Variants in MAF observed in about 807,000 individuals in gnomAD.
MAF encodes the protein MAF bZIP transcription factor, also known as transcription factor Maf.
MAF carries 10 observed loss-of-function variants against 22.0 expected under a neutral mutation model. The observed-to-expected ratio is 0.45, with a 90% CI of 0.28 to 0.77. MAF has a LOEUF of 0.77. Among genes scored for constraint, MAF ranks in the 30% least tolerant of loss-of-function variants. The pLI is 0.12. For synonymous variants in MAF, 337 were observed against 255.8 expected (o/e 1.32, Z -3.03); for missense variants, 544 against 548.4 (o/e 0.99, Z 0.08).
At chr16:79,569,150 CAG>C in the MAF span, among the ~76,000 whole-genome samples, 1 of 152,190 alleles carries the variant, frequency 6.6e-6, no homozygotes, top group African/African-American at 2.4e-5. Flanking sequence ...GAGTTTAAAC[CAG>C]AGTTTCTCAG....
the MAF span, among the ~76,000 whole-genome samples, chr16:79,425,201 C>T: frequency 2.2e-4 from 34 of 152,206 alleles, no homozygotes; most frequent in South Asian, 6.0e-3. Flanking sequence ...ATGATCTCTT[C>T]TCATGGTACA....
the MAF span, among the ~76,000 whole-genome samples, chr16:79,350,023 G>T: frequency 6.6e-6 from 1 of 152,170 alleles, no homozygotes; most frequent in Admixed American, 6.5e-5. Context: ...CCTCCAGGAA[G>T]CTCCCCAGGA....
At chr16:79,433,932 A>C in the MAF span, among the ~76,000 whole-genome samples, 1 of 152,206 alleles carries the variant, frequency 6.6e-6, no homozygotes, top group Non-Finnish European at 1.5e-5. Context: ...GATGGGACAT[A>C]GGCCACAGTC....
chr16:79,348,857 TG>T, the MAF span, among the ~76,000 whole-genome samples: 1 of 152,216 alleles, frequency 6.6e-6, no homozygotes, highest in Non-Finnish European at 1.5e-5. Context: ...AGGGGCTAAA[TG>T]GCAAGGTCCT....
chr16:79,504,949 C>G, the MAF span, among the ~76,000 whole-genome samples: 4 of 152,108 alleles, frequency 2.6e-5, no homozygotes, highest in Non-Finnish European at 5.9e-5. Flanking sequence ...TCAGGGGTGT[C>G]CAATTCTGTT....
At chr16:79,563,368 A>G in the MAF span, among the ~76,000 whole-genome samples, 1 of 152,204 alleles carries the variant, frequency 6.6e-6, no homozygotes, top group Non-Finnish European at 1.5e-5. Flanking sequence ...TTTAAATTTA[A>G]AAACTGAAGC....
chr16:79,494,443 G>C, the MAF span, among the ~76,000 whole-genome samples: 2 of 152,068 alleles, frequency 1.3e-5, no homozygotes, highest in African/African-American at 4.8e-5. Context: ...TAGCCACAGG[G>C]AGTCAAATCA....
At chr16:79,494,446 TC>T in the MAF span, among the ~76,000 whole-genome samples, 1 of 151,658 alleles carries the variant, frequency 6.6e-6, no homozygotes, top group Non-Finnish European at 1.5e-5. Flanking sequence ...CCACAGGGAG[TC>T]AAATCATTCT....
the MAF span, among the ~76,000 whole-genome samples, chr16:79,280,619 T>C: frequency 5.4e-4 from 82 of 152,300 alleles, no homozygotes; most frequent in African/African-American, 1.8e-3. Flanking sequence ...AGGCTTAAAA[T>C]AGATATTTCT....
At chr16:79,214,915 G>A in the MAF span, among the ~76,000 whole-genome samples, 2 of 150,546 alleles carry the variant, frequency 1.3e-5, no homozygotes, top group Non-Finnish European at 3.0e-5. Flanking sequence ...TGACCATGTT[G>A]GCCAGGCTGG....
the MAF span, among the ~76,000 whole-genome samples, chr16:79,309,479 G>C: frequency 6.6e-6 from 1 of 152,038 alleles, no homozygotes; most frequent in Admixed American, 6.6e-5. Context: ...TATTCAAGTT[G>C]GTTTTTATAT....
At chr16:79,444,743 T>C in the MAF span, among the ~76,000 whole-genome samples, 1 of 152,234 alleles carries the variant, frequency 6.6e-6, no homozygotes, top group Admixed American at 6.5e-5. Flanking sequence ...CACAGAATGC[T>C]GCTTTGAAGG....
In MAF at chr16:79,587,206, G is replaced by A. The variant is rs558654617; in HGVS notation, c.1119-1265C>T. The stretch of plus-strand genomic sequence containing the variant: ...CGTTATATGCGTTTATTCACATTTT[G>A]TATAGAAATGCTTTTCAAATCTTAA... On this transcript the variant is annotated intron_variant, in intron 1 of 1. Transcript: ENST00000569649. 2.0e-5 allele frequency among the ~76,000 whole-genome samples: 3 copies of A among 152,168 alleles called. No homozygotes were observed. The East Asian group carries it at 5.8e-4, about 29-fold the overall frequency.
rs928654806 is a variant in MAF, at chr16:79,594,319, C to A, written c.*141G>T. The A allele has an allele frequency of 1.6e-5, 13 of 806,150 alleles. No individual in the cohort carries two copies. In the Admixed American group the frequency reaches 2.5e-4, roughly 16 times the overall value. 49.9% of individuals were successfully genotyped at this position (806,150 alleles called of 1,614,324 possible). ...AGACAAGAGGCATAGTTAACTACTA[C>A]ATTTAATAGCCTTCTTCTCTAACAC... On this transcript the variant is annotated 3_prime_UTR_variant, in exon 2 of 2. Transcript: ENST00000326043.
the MAF span, among the ~76,000 whole-genome samples, chr16:79,422,486 A>G: frequency 3.3e-5 from 5 of 152,186 alleles, no homozygotes; most frequent in African/African-American, 1.2e-4. Context: ...TACTGCCTCC[A>G]AGACCTTGAG....
At chr16:79,400,059 C>T in the MAF span, among the ~76,000 whole-genome samples, 2 of 152,152 alleles carry the variant, frequency 1.3e-5, no homozygotes, top group Non-Finnish European at 2.9e-5. Flanking sequence ...TCTATTTTGC[C>T]TCCAGGGGAG....
the MAF span, among the ~76,000 whole-genome samples, chr16:79,351,124 T>C: frequency 6.6e-6 from 1 of 152,130 alleles, no homozygotes; most frequent in East Asian, 1.9e-4. Flanking sequence ...CACGATTGAG[T>C]CCTCATTTTG....
chr16:79,412,801 C>G, the MAF span, among the ~76,000 whole-genome samples: 1 of 152,322 alleles, frequency 6.6e-6, no homozygotes, highest in African/African-American at 2.4e-5. Flanking sequence ...CAACCCTCCC[C>G]CATTCACACC....
the MAF span, among the ~76,000 whole-genome samples, chr16:79,556,621 G>A: frequency 1.6e-4 from 25 of 152,314 alleles, no homozygotes; most frequent in Admixed American, 7.2e-4. Flanking sequence ...GGTTGAGCAA[G>A]GAGAGTAGAT....
Sources: gnomAD v4.1 joint callset for allele counts (sites outside exome capture counted in the v4.1 genomes callset) on GRCh38, gnomAD v4.1.1 for gene constraint, MANE v1.5 for transcripts, NCBI Gene and HGNC (gene_info 2026-07-23, HGNC 2026-07-21) for gene names.